The following DOCK3 variants were observed in gnomAD, a reference collection of about 807,000 sequenced individuals.
DOCK3 encodes dedicator of cytokinesis protein 3.
In DOCK3, 60 loss-of-function variants were observed where a neutral mutation model predicts 265.6. The ratio of observed to expected loss-of-function variants is 0.23; its 90% CI spans 0.18 to 0.28. DOCK3 has a LOEUF of 0.28. Ranked by LOEUF, DOCK3 falls within the 10% of genes least tolerant of loss-of-function variation. The probability of loss-of-function intolerance (pLI) is 1.00; values close to 1 mark genes in which losing one functional copy is unlikely to be tolerated. For synonymous variants in DOCK3, 881 were observed against 938.0 expected, an observed-to-expected ratio of 0.94 and a Z score of 1.11; for missense variants, 1,981 against 2,594.3, an observed-to-expected ratio of 0.76 and a Z score of 5.14.
At chr3:50,937,831 G>A (rs751820502) in intron 5 of DOCK3, among the ~76,000 whole-genome samples, 2 of 151,742 alleles carry the variant, frequency 1.3e-5, no homozygotes, top group African/African-American at 4.8e-5. Context: ...ATAAGAAAGG[G>A]GAAATAGAGG....
intron 51 of DOCK3, among the ~76,000 whole-genome samples, chr3:51,378,520 C>T (rs992566792): frequency 1.3e-5 from 2 of 152,246 alleles, no homozygotes; most frequent in African/African-American, 4.8e-5. Flanking sequence ...AATGTAGCTA[C>T]CACGGCCTTA....
intron 27 of DOCK3, among the ~76,000 whole-genome samples, chr3:51,302,924 T>C (rs1037911479): frequency 6.6e-6 from 1 of 152,166 alleles, no homozygotes; most frequent in African/African-American, 2.4e-5. Flanking sequence ...GTGGAGTATC[T>C]TACTGGGGTT....
At chr3:51,115,692 G>C (rs2083704780) in intron 9 of DOCK3, among the ~76,000 whole-genome samples, 1 of 152,058 alleles carries the variant, frequency 6.6e-6, no homozygotes, top group Non-Finnish European at 1.5e-5. Flanking sequence ...CATTGCTTTT[G>C]GTGTTTTAGT....
intron 5 of DOCK3, among the ~76,000 whole-genome samples, chr3:51,048,852 G>C (rs1053770489): frequency 6.7e-6 from 1 of 148,994 alleles, no homozygotes; most frequent in Admixed American, 6.6e-5. Context: ...GACAGAGCGA[G>C]ACTCCATCTC....
chr3:51,010,369 A>G (rs893418932), intron 5 of DOCK3, among the ~76,000 whole-genome samples: 2 of 152,098 alleles, frequency 1.3e-5, no homozygotes, highest in East Asian at 1.9e-4. Context: ...TTACCATTAT[A>G]TAATAGTCTT....
At chr3:51,254,906 C>A (rs913619534) in intron 22 of DOCK3, among the ~76,000 whole-genome samples, 1 of 152,288 alleles carries the variant, frequency 6.6e-6, no homozygotes, top group East Asian at 1.9e-4. Context: ...TTGATCCTGT[C>A]ATTATGATGT....
intron 1 of DOCK3, among the ~76,000 whole-genome samples, chr3:50,774,942 AT>A (rs1211368962): frequency 2.0e-5 from 3 of 151,766 alleles, no homozygotes; most frequent in Non-Finnish European, 1.5e-5. Flanking sequence ...TGATCATATG[AT>A]TTTTTTCCTT....
chr3:50,711,029 A>G (rs34773360), intron 1 of DOCK3, among the ~76,000 whole-genome samples: 14,378 of 152,262 alleles, frequency 0.094, 838 homozygotes, highest in Non-Finnish European at 0.12. Flanking sequence ...GGTGATAGGT[A>G]TACCAAAATC....
At chr3:51,178,255 T>A (rs1250247344) in intron 12 of DOCK3, among the ~76,000 whole-genome samples, 1 of 152,126 alleles carries the variant, frequency 6.6e-6, no homozygotes, top group African/African-American at 2.4e-5. Context: ...CATACACCTA[T>A]TGTAAGGTTA....
intron 1 of DOCK3, among the ~76,000 whole-genome samples, chr3:50,703,289 T>C (rs1013137395): frequency 1.3e-5 from 2 of 152,144 alleles, no homozygotes; most frequent in African/African-American, 4.8e-5. Context: ...ATCAAGGATG[T>C]TGGCCTGTAG....
At chr3:50,782,888 G>A (rs930857057) in intron 2 of DOCK3, among the ~76,000 whole-genome samples, 6 of 151,022 alleles carry the variant, frequency 4.0e-5, no homozygotes, top group African/African-American at 1.5e-4. Context: ...AACATATGAT[G>A]TTTGGTTTTT....
At chr3:50,806,585 GTTC>G (rs1283972804) in intron 2 of DOCK3, among the ~76,000 whole-genome samples, 1 of 151,802 alleles carries the variant, frequency 6.6e-6, no homozygotes, top group Non-Finnish European at 1.5e-5. Flanking sequence ...ATGGAAGACT[GTTC>G]TTCTGGCTGA....
intron 3 of DOCK3, among the ~76,000 whole-genome samples, chr3:50,889,637 GC>G (rs2048547838): frequency 6.6e-6 from 1 of 151,966 alleles, no homozygotes; most frequent in South Asian, 2.1e-4. Context: ...TGTTTTTCTA[GC>G]TCAGAGCTAG....
chr3:50,840,193 A>G (rs772078539), intron 2 of DOCK3, among the ~76,000 whole-genome samples: 1 of 152,180 alleles, frequency 6.6e-6, no homozygotes, highest in Non-Finnish European at 1.5e-5. Flanking sequence ...TCTCTTAACA[A>G]TGCCTTTCAC....
chr3:51,046,704 G>T (rs918666280), intron 5 of DOCK3, among the ~76,000 whole-genome samples: 1 of 152,026 alleles, frequency 6.6e-6, no homozygotes, highest in African/African-American at 2.4e-5. Flanking sequence ...CAGCAGTCCT[G>T]AACAACAGTA....
intron 22 of DOCK3, among the ~76,000 whole-genome samples, chr3:51,249,125 C>T (rs1304857530): frequency 3.4e-5 from 5 of 148,158 alleles, no homozygotes; most frequent in South Asian, 2.2e-4. Flanking sequence ...CCCCGCCAGG[C>T]CAGCCGCCCC....
Position 51,246,812 on chromosome 3 carries a change from T to C in DOCK3, c.2184+5T>C, listed in dbSNP as rs752985100. On this transcript the variant is annotated splice_donor_5th_base_variant and intron_variant, in intron 22 of 52. Transcript: ENST00000266037. ...CACATTCAAGAAGCTATGCGGGTAA[T>C]GTACTAACCTCTCCATACATAAGAG... The C allele has an allele frequency of 2.5e-6, 4 of 1,611,778 alleles. No individual in the cohort carries two copies. Among genetic ancestry groups the C allele is most frequent in the Non-Finnish European group, 3.4e-6 (4 of 1,178,898 alleles).
intron 27 of DOCK3, among the ~76,000 whole-genome samples, chr3:51,309,146 GC>G (rs1417211766): frequency 1.3e-5 from 2 of 152,046 alleles, no homozygotes; most frequent in Non-Finnish European, 2.9e-5. Context: ...ACAATGGGCA[GC>G]CAGGCAGAGA....
At chr3:51,277,216 A>G (rs1476956410) in intron 25 of DOCK3, among the ~76,000 whole-genome samples, 1 of 152,212 alleles carries the variant, frequency 6.6e-6, no homozygotes, top group East Asian at 1.9e-4. Context: ...TGAATTTGTC[A>G]CCATTTCTCA....
Sources: gnomAD v4.1 joint callset for allele counts (sites outside exome capture counted in the v4.1 genomes callset) on GRCh38, gnomAD v4.1.1 for gene constraint, MANE v1.5 for transcripts, NCBI Gene and HGNC (gene_info 2026-07-23, HGNC 2026-07-21) for gene names.